Variants in KHDRBS2 observed in about 807,000 individuals in gnomAD.
KHDRBS2 encodes the protein KH domain-containing, RNA-binding, signal transduction-associated protein 2.
KHDRBS2 carries 26 observed loss-of-function variants against 44.3 expected under a neutral mutation model. The observed-to-expected ratio is 0.59, with a 90% CI of 0.43 to 0.81. The LOEUF is 0.81. Among genes scored for constraint, KHDRBS2 ranks in the 40% least tolerant of loss-of-function variants. The pLI is 0.00. For missense variants in KHDRBS2, 476 were observed against 433.1 expected (o/e 1.10, Z -0.88); for synonymous variants, 194 against 151.1 (o/e 1.28, Z -2.08).
At chr6:62,096,004 C>T (rs1376866403) in intron 2 of KHDRBS2, among the ~76,000 whole-genome samples, 2 of 151,880 alleles carry the variant, frequency 1.3e-5, no homozygotes, top group South Asian at 2.1e-4. Context: ...TCATTCTCGT[C>T]ATGTGCTGTA....
intron 3 of KHDRBS2, among the ~76,000 whole-genome samples, chr6:62,004,197 A>C (rs1778791302): frequency 6.6e-6 from 1 of 152,198 alleles, no homozygotes; most frequent in Non-Finnish European, 1.5e-5. Context: ...ATCCTTCAAA[A>C]AATCCATGAA....
rs201575943 is a variant in KHDRBS2 at position 61,856,783 on chromosome 6, C to T, written c.810+37852G>A. On this transcript the variant is annotated intron_variant, in intron 6 of 8. Coordinates refer to ENST00000281156, the MANE Select transcript of KHDRBS2 (RefSeq NM_152688.4). ...TCATGCTAAACTCCAACTGTAGTGG[C>T]TTTTAAGACTGGCAGGCACTTAAAG... 7.2e-5 allele frequency among the ~76,000 whole-genome samples: 11 copies of T among 152,108 alleles called. No homozygotes were observed. In the East Asian group the frequency reaches 1.7e-3, roughly 24 times the overall value.
At chr6:61,804,881 G>A (rs1383946122) in intron 6 of KHDRBS2, among the ~76,000 whole-genome samples, 10 of 152,116 alleles carry the variant, frequency 6.6e-5, no homozygotes, top group Non-Finnish European at 1.5e-4. Flanking sequence ...GAACTGCCAC[G>A]AAGGCCTCTG....
chr6:62,185,357 G>C (rs1198027241), intron 1 of KHDRBS2, among the ~76,000 whole-genome samples: 2 of 151,860 alleles, frequency 1.3e-5, no homozygotes, highest in Admixed American at 6.6e-5. Flanking sequence ...CCTTAAATCT[G>C]AACTATGTTG....
At chr6:62,172,698 G>GAAAAAAA (rs33984802) in intron 2 of KHDRBS2, among the ~76,000 whole-genome samples, 3 of 73,460 alleles carry the variant, frequency 4.1e-5, no homozygotes, top group African/African-American at 5.3e-5. Context: ...CCAGCAAACT[G>GAAAAAAA]AAAAAAAAAA....
At chr6:61,826,606 T>C (rs1790903624) in intron 6 of KHDRBS2, among the ~76,000 whole-genome samples, 2 of 152,122 alleles carry the variant, frequency 1.3e-5, no homozygotes, top group African/African-American at 4.8e-5. Flanking sequence ...GTGTGTCATC[T>C]GGTCGATGCT....
chr6:62,190,571 C>A (rs537045115), intron 1 of KHDRBS2, among the ~76,000 whole-genome samples: 101 of 152,202 alleles, frequency 6.6e-4, no homozygotes, highest in Non-Finnish European at 1.2e-3. Flanking sequence ...TACACATCTA[C>A]CATCTTTCAT....
intron 6 of KHDRBS2, among the ~76,000 whole-genome samples, chr6:61,757,287 A>T: frequency 6.6e-6 from 1 of 152,100 alleles, no homozygotes; most frequent in East Asian, 1.9e-4. Context: ...TTTTTGATTT[A>T]TCAGTTTCTC....
chr6:61,801,503 A>G (rs1001298449), intron 6 of KHDRBS2, among the ~76,000 whole-genome samples: 3 of 152,178 alleles, frequency 2.0e-5, no homozygotes, highest in African/African-American at 7.2e-5. Context: ...ACTTAAACTG[A>G]TAATTTATAG....
At chr6:61,901,448 A>G (rs1395909155) in intron 4 of KHDRBS2, 77 bp from the exon 5 acceptor site, 6 of 1,148,344 alleles carry the variant, frequency 5.2e-6, no homozygotes, top group Non-Finnish European at 7.3e-6. Context: ...AAAAAGAAAC[A>G]AAACAAAACG....
chr6:61,787,321 T>C (rs902769813), intron 6 of KHDRBS2, among the ~76,000 whole-genome samples: 2 of 151,746 alleles, frequency 1.3e-5, no homozygotes, highest in Non-Finnish European at 3.0e-5. Context: ...TGTCCATCTC[T>C]ATTTAATATA....
At chr6:61,567,287 G>A in the KHDRBS2 span, among the ~76,000 whole-genome samples, 1 of 152,230 alleles carries the variant, frequency 6.6e-6, no homozygotes, top group African/African-American at 2.4e-5. Context: ...GGGAGGCCAA[G>A]GGCCTATATT....
chr6:62,280,350 A>T (rs1022501386), intron 1 of KHDRBS2, among the ~76,000 whole-genome samples: 2 of 152,160 alleles, frequency 1.3e-5, no homozygotes, highest in African/African-American at 4.8e-5. Flanking sequence ...AGGGAAATGA[A>T]GGATGATGAG....
At chr6:61,585,683 G>A in the KHDRBS2 span, among the ~76,000 whole-genome samples, 129,670 of 151,970 alleles carry the variant, frequency 0.85, 55,768 homozygotes, top group African/African-American at 0.94. Flanking sequence ...TATTTTGAAC[G>A]TTTACTGTTT....
intron 6 of KHDRBS2, among the ~76,000 whole-genome samples, chr6:61,856,407 T>G (rs1264669749): frequency 6.6e-6 from 1 of 152,138 alleles, no homozygotes; most frequent in African/African-American, 2.4e-5. Context: ...CTTACTTATT[T>G]TTACTCAGAG....
At chr6:61,682,764 TATC>T (rs961739876) in intron 8 of KHDRBS2, among the ~76,000 whole-genome samples, 4 of 151,878 alleles carry the variant, frequency 2.6e-5, no homozygotes, top group African/African-American at 9.7e-5. Context: ...GGCAGGAATT[TATC>T]CCCAAACCAT....
intron 2 of KHDRBS2, among the ~76,000 whole-genome samples, chr6:62,151,905 A>C (rs1431284350): frequency 6.6e-6 from 1 of 152,242 alleles, no homozygotes; most frequent in African/African-American, 2.4e-5. Flanking sequence ...AGTTAATATA[A>C]GTATGTGGTC....
intron 6 of KHDRBS2, among the ~76,000 whole-genome samples, chr6:61,889,180 T>A (rs901668599): frequency 2.6e-5 from 4 of 152,214 alleles, no homozygotes; most frequent in Non-Finnish European, 5.9e-5. Flanking sequence ...TTATAAGTGC[T>A]TATGAATATT....
At chr6:61,709,731 T>C (rs1305321929) in intron 7 of KHDRBS2, among the ~76,000 whole-genome samples, 1 of 151,652 alleles carries the variant, frequency 6.6e-6, no homozygotes, top group African/African-American at 2.4e-5. Flanking sequence ...ACTGACTAAT[T>C]AGGCTCAGTG....
Sources: allele counts gnomAD v4.1 joint callset (sites outside exome capture counted in the v4.1 genomes callset), GRCh38; gene constraint gnomAD v4.1.1; transcripts MANE v1.5; gene names NCBI Gene and HGNC (gene_info 2026-07-23, HGNC 2026-07-21).